INPP4B: variants seen among roughly 807,000 people sequenced by gnomAD.
INPP4B encodes the protein inositol polyphosphate-4-phosphatase type II B.
INPP4B carries 55 observed loss-of-function variants against 122.5 expected under a neutral mutation model. The observed-to-expected ratio is 0.45, with a 90% CI of 0.36 to 0.56. INPP4B has a LOEUF of 0.56. Ranked by LOEUF, INPP4B falls within the 20% of genes least tolerant of loss-of-function variation. The probability of loss-of-function intolerance (pLI) is 0.00; values close to 1 mark genes in which losing one functional copy is unlikely to be tolerated. For missense variants in INPP4B, 1,000 were observed against 1,097.7 expected, an observed-to-expected ratio of 0.91 and a Z score of 1.26; for synonymous variants, 403 against 388.7, an observed-to-expected ratio of 1.04 and a Z score of -0.43.
chr4:142,456,566 T>C (rs1215349449), intron 3 of INPP4B, among the ~76,000 whole-genome samples: 1 of 152,070 alleles, frequency 6.6e-6, no homozygotes, highest in Non-Finnish European at 1.5e-5. Flanking sequence ...ATGTGATTCC[T>C]CCAGTTTTGC....
At chr4:142,659,721 CA>C (rs1754813908) in intron 2 of INPP4B, among the ~76,000 whole-genome samples, 1 of 152,110 alleles carries the variant, frequency 6.6e-6, no homozygotes, top group African/African-American at 2.4e-5. Context: ...GGGAGCTAAC[CA>C]AAGCCAAGCA....
At chr4:142,051,723 T>C (rs1754714099) in intron 25 of INPP4B, among the ~76,000 whole-genome samples, 1 of 152,080 alleles carries the variant, frequency 6.6e-6, no homozygotes, top group Non-Finnish European at 1.5e-5. Context: ...CCTAAATTGA[T>C]ATCCACATAC....
At chr4:142,781,055 T>C (rs190218082) in intron 1 of INPP4B, among the ~76,000 whole-genome samples, 26 of 152,312 alleles carry the variant, frequency 1.7e-4, no homozygotes, top group African/African-American at 6.3e-4. Flanking sequence ...AATGCGGTTC[T>C]TTAGGTACAT....
chr4:142,616,999 A>G (rs1298951533), intron 2 of INPP4B, among the ~76,000 whole-genome samples: 2 of 152,102 alleles, frequency 1.3e-5, no homozygotes, highest in African/African-American at 2.4e-5. Context: ...ATTGTGCAGT[A>G]TTTGGGTGAT....
At chr4:142,579,937 A>G (rs1208443569) in intron 2 of INPP4B, among the ~76,000 whole-genome samples, 1 of 149,962 alleles carries the variant, frequency 6.7e-6, no homozygotes, top group East Asian at 2.0e-4. Flanking sequence ...ATAGATAGAT[A>G]TCCTATTGCT....
At chr4:142,366,913 G>T (rs1160512369) in intron 7 of INPP4B, among the ~76,000 whole-genome samples, 1 of 152,210 alleles carries the variant, frequency 6.6e-6, no homozygotes. Context: ...GAGGATTAAA[G>T]GAAAGGACCA....
At chr4:142,511,511 G>C (rs567488540) in intron 2 of INPP4B, among the ~76,000 whole-genome samples, 1 of 152,248 alleles carries the variant, frequency 6.6e-6, no homozygotes, top group Non-Finnish European at 1.5e-5. Context: ...GCTAACAAAA[G>C]TAAGTATTTT....
intron 25 of INPP4B, among the ~76,000 whole-genome samples, chr4:142,043,309 A>G (rs1021999697): frequency 8.5e-5 from 13 of 152,248 alleles, no homozygotes; most frequent in Admixed American, 5.2e-4. Flanking sequence ...TAACATGTAC[A>G]TGGCTTAAAA....
At chr4:142,643,272 C>T (rs1750952375) in intron 2 of INPP4B, among the ~76,000 whole-genome samples, 1 of 151,858 alleles carries the variant, frequency 6.6e-6, no homozygotes, top group Non-Finnish European at 1.5e-5. Flanking sequence ...ATTGTAAAAA[C>T]TGTGGAAAAA....
intron 9 of INPP4B, among the ~76,000 whole-genome samples, chr4:142,301,203 G>C (rs1201483529): frequency 6.6e-6 from 1 of 151,962 alleles, no homozygotes; most frequent in Admixed American, 6.6e-5. Context: ...ATGAAGTCTT[G>C]GTGCTAGCAT....
chr4:142,389,086 C>T (rs1173604113), intron 7 of INPP4B, among the ~76,000 whole-genome samples: 1 of 151,960 alleles, frequency 6.6e-6, no homozygotes, highest in Non-Finnish European at 1.5e-5. Flanking sequence ...CCTGTCTCTA[C>T]TATAAACACA....
At position 142,311,082 on chromosome 4, in the gene INPP4B, C is replaced by G. The variant is rs56697631; in HGVS notation, c.423+3630G>C. ...AAATTAGAGTACTTGAAGAGTAAAGCCCTTGTATGTTGTAATGACAGAGCC... is the reference window on the plus strand; with the variant it reads ...AAATTAGAGTACTTGAAGAGTAAAGGCCTTGTATGTTGTAATGACAGAGCC... On this transcript the variant is annotated intron_variant, in intron 8 of 25. Transcript: ENST00000262992. Among the ~76,000 whole-genome samples the G allele has an allele frequency of 5.6e-3, 854 of 152,174 alleles. 10 individuals are homozygous for G. Among genetic ancestry groups the G allele is most frequent in the African/African-American group, 0.019 (808 of 41,532 alleles).
chr4:142,598,520 T>C (rs1298403133), intron 2 of INPP4B, among the ~76,000 whole-genome samples: 1 of 152,066 alleles, frequency 6.6e-6, no homozygotes, highest in African/African-American at 2.4e-5. Flanking sequence ...ACCAAAGGAC[T>C]ACAGTGGCAC....
chr4:142,430,249 T>C (rs961804648), intron 4 of INPP4B, among the ~76,000 whole-genome samples: 1 of 152,058 alleles, frequency 6.6e-6, no homozygotes, highest in Non-Finnish European at 1.5e-5. Context: ...AGCAATTGCT[T>C]TGGTTAACAA....
intron 12 of INPP4B, among the ~76,000 whole-genome samples, chr4:142,216,475 A>C (rs1376560297): frequency 2.6e-5 from 4 of 152,250 alleles, no homozygotes; most frequent in Admixed American, 2.0e-4. Context: ...ATAATTGCTA[A>C]TGTCTATTCA....
intron 3 of INPP4B, among the ~76,000 whole-genome samples, chr4:142,444,653 A>G (rs1219237208): frequency 6.6e-6 from 1 of 152,070 alleles, no homozygotes; most frequent in Non-Finnish European, 1.5e-5. Flanking sequence ...CAATTCCATT[A>G]CTGGGTATAT....
intron 16 of INPP4B, among the ~76,000 whole-genome samples, chr4:142,169,460 C>T (rs1824462317): frequency 6.6e-6 from 1 of 151,664 alleles, no homozygotes; most frequent in African/African-American, 2.4e-5. Flanking sequence ...ATCAACATAA[C>T]ATTCTTCTCT....
At chr4:142,395,874 A>C (rs2322549) in intron 7 of INPP4B, among the ~76,000 whole-genome samples, 1 of 151,886 alleles carries the variant, frequency 6.6e-6, no homozygotes, top group Non-Finnish European at 1.5e-5. Flanking sequence ...AGAGAGTAAA[A>C]TTGTGATTGC....
At chr4:142,529,916 A>G (rs929096449) in intron 2 of INPP4B, among the ~76,000 whole-genome samples, 1 of 152,154 alleles carries the variant, frequency 6.6e-6, no homozygotes, top group Non-Finnish European at 1.5e-5. Context: ...AAACAGAGGT[A>G]TGTTAAAATT....
Sources: allele counts gnomAD v4.1 joint callset (sites outside exome capture counted in the v4.1 genomes callset), GRCh38; gene constraint gnomAD v4.1.1; transcripts MANE v1.5; gene names NCBI Gene and HGNC (gene_info 2026-07-23, HGNC 2026-07-21).